Variants in EYS observed in about 807,000 individuals in gnomAD.
The protein encoded by EYS is EGF-like photoreceptor maintenance factor.
Under a neutral mutation model 282.1 loss-of-function variants are expected in EYS, and 250 were observed. That is an observed-to-expected ratio of 0.89 (90% confidence interval 0.80 to 0.98). EYS has a LOEUF of 0.98. EYS is among the 50% of genes least tolerant of loss of function. The pLI is 0.00. For missense variants in EYS, 4,016 were observed against 3,709.0 expected (o/e 1.08, Z -2.15); for synonymous variants, 1,355 against 1,282.9 (o/e 1.06, Z -1.20).
chr6:64,947,063 G>A (rs775073590), intron 14 of EYS, among the ~76,000 whole-genome samples: 1 of 151,844 alleles, frequency 6.6e-6, no homozygotes, highest in Non-Finnish European at 1.5e-5. Context: ...AATGTGATGA[G>A]TAGGAGCCCT....
chr6:63,871,865 C>T (rs553580599), intron 35 of EYS, among the ~76,000 whole-genome samples: 114 of 152,228 alleles, frequency 7.5e-4, no homozygotes, highest in Non-Finnish European at 1.4e-3. Context: ...TTCCTGTCTT[C>T]TTACTCCTGC....
In EYS at chr6:64,328,754, G is replaced by A. The variant is rs548515801; in HGVS notation, c.6079-21672C>T. ...ACAGAGCTAAGGAAAAGGCAGACTTGCTGGTGGCAGCCTTAGTTGGAAAAG... is the reference window on the plus strand; with the variant it reads ...ACAGAGCTAAGGAAAAGGCAGACTTACTGGTGGCAGCCTTAGTTGGAAAAG... On this transcript the variant is annotated intron_variant, in intron 29 of 42. Transcript: ENST00000503581. 7.9e-5 allele frequency among the ~76,000 whole-genome samples: 12 copies of A among 152,302 alleles called. No individual in the cohort carries two copies. The South Asian group carries it at 2.5e-3, about 32-fold the overall frequency.
At chr6:63,815,552 A>T (rs979412304) in intron 36 of EYS, among the ~76,000 whole-genome samples, 1 of 152,228 alleles carries the variant, frequency 6.6e-6, no homozygotes, top group African/African-American at 2.4e-5. Context: ...GATGAATAAA[A>T]TTCTGTAGAA....
chr6:65,560,036 G>A (rs1768977989), intron 2 of EYS, among the ~76,000 whole-genome samples: 1 of 149,616 alleles, frequency 6.7e-6, no homozygotes, highest in African/African-American at 2.4e-5. Flanking sequence ...TTTATGTTTT[G>A]TCAAATATTT....
At chr6:64,837,643 ATATATGATATATGATATG>A (rs1372198768) in intron 19 of EYS, among the ~76,000 whole-genome samples, 3 of 143,848 alleles carry the variant, frequency 2.1e-5, no homozygotes, top group African/African-American at 7.5e-5. Flanking sequence ...GATATATGAT[ATATATGATATATGATATG>A]TATATGATAT....
At chr6:65,069,914 A>T (rs2150165019) in intron 12 of EYS, among the ~76,000 whole-genome samples, 1 of 151,922 alleles carries the variant, frequency 6.6e-6, no homozygotes, top group African/African-American at 2.4e-5. Flanking sequence ...TTTGATTTCT[A>T]ATCCTGTTTT....
chr6:64,864,608 T>C (rs912511820), intron 19 of EYS, among the ~76,000 whole-genome samples: 1 of 150,548 alleles, frequency 6.6e-6, no homozygotes, highest in Admixed American at 6.6e-5. Flanking sequence ...ATAGTCTCGA[T>C]CTCCTGACCC....
chr6:64,205,814 T>TACACAC (rs147264812), intron 31 of EYS, among the ~76,000 whole-genome samples: 2,529 of 136,258 alleles, frequency 0.019, 33 homozygotes, highest in African/African-American at 0.04. Flanking sequence ...TAGGCATTCA[T>TACACAC]ACACACACAC....
intron 22 of EYS, among the ~76,000 whole-genome samples, chr6:64,744,319 G>T (rs1028475184): frequency 6.6e-6 from 1 of 152,008 alleles, no homozygotes; most frequent in Non-Finnish European, 1.5e-5. Flanking sequence ...TCCCAAGTTG[G>T]GTAAGACTTG....
At chr6:64,501,154 T>A (rs1777028141) in intron 26 of EYS, among the ~76,000 whole-genome samples, 1 of 151,668 alleles carries the variant, frequency 6.6e-6, no homozygotes, top group South Asian at 2.1e-4. Context: ...GTCATTGATA[T>A]CCTCTGATTA....
chr6:65,322,080 T>C lies in EYS; in HGVS notation c.1766+12900A>G, dbSNP rs528940584. Among the ~76,000 whole-genome samples, 16 of 152,340 alleles carry C rather than the reference T, an allele frequency of 1.1e-4. No homozygotes were observed. In the South Asian group the frequency reaches 3.3e-3, roughly 32 times the overall value. ...AAAGAGATGGAGACGCTTAGCCTAA[T>C]TAATGTGCTACACTTATGCCAAGAA... On this transcript the variant is annotated intron_variant, in intron 11 of 42. Coordinates refer to ENST00000503581, the MANE Select transcript of EYS (RefSeq NM_001142800.2).
At chr6:64,137,926 A>T (rs1774216119) in intron 31 of EYS, among the ~76,000 whole-genome samples, 2 of 152,208 alleles carry the variant, frequency 1.3e-5, no homozygotes. Flanking sequence ...AAACAAAAAA[A>T]TAACAAAACT....
chr6:65,226,428 C>T (rs1766627999), intron 12 of EYS, among the ~76,000 whole-genome samples: 1 of 151,994 alleles, frequency 6.6e-6, no homozygotes, highest in Non-Finnish European at 1.5e-5. Context: ...GACTCATTAA[C>T]TCAACAAAAA....
intron 26 of EYS, among the ~76,000 whole-genome samples, chr6:64,513,493 T>G (rs1582839831): frequency 6.6e-6 from 1 of 151,888 alleles, no homozygotes; most frequent in Admixed American, 6.6e-5. Flanking sequence ...ATTAACTGCA[T>G]GAGATCTTGA....
chr6:64,635,034 T>G (rs1268605881), intron 22 of EYS, among the ~76,000 whole-genome samples: 3 of 152,008 alleles, frequency 2.0e-5, no homozygotes, highest in Admixed American at 2.0e-4. Context: ...GAAGAGGTCC[T>G]TCACATCCCT....
chr6:64,299,133 A>G (rs1307356686), intron 30 of EYS, among the ~76,000 whole-genome samples: 1 of 152,214 alleles, frequency 6.6e-6, no homozygotes, highest in Non-Finnish European at 1.5e-5. Flanking sequence ...CCCTGAGTTA[A>G]TAGCTTAAAG....
intron 22 of EYS, among the ~76,000 whole-genome samples, chr6:64,649,756 A>G (rs946407213): frequency 2.0e-5 from 3 of 152,198 alleles, no homozygotes; most frequent in Non-Finnish European, 4.4e-5. Context: ...TCAATGTCCA[A>G]GAGAAAAATT....
chr6:65,702,297 C>T (rs1232742976), intron 1 of EYS, among the ~76,000 whole-genome samples: 1 of 152,020 alleles, frequency 6.6e-6, no homozygotes, highest in African/African-American at 2.4e-5. Flanking sequence ...AGTTTATGAA[C>T]AACAAAAAAG....
At chr6:65,061,468 G>A (rs1203752648) in intron 12 of EYS, among the ~76,000 whole-genome samples, 7 of 151,746 alleles carry the variant, frequency 4.6e-5, no homozygotes, top group African/African-American at 7.3e-5. Flanking sequence ...CCACACATGC[G>A]TAATCTCTCC....
Sources: gnomAD v4.1 joint callset for allele counts (sites outside exome capture counted in the v4.1 genomes callset) on GRCh38, gnomAD v4.1.1 for gene constraint, MANE v1.5 for transcripts, NCBI Gene and HGNC (gene_info 2026-07-23, HGNC 2026-07-21) for gene names.